The following FAM185A variants were observed in gnomAD, a reference collection of about 807,000 sequenced individuals.
FAM185A encodes the protein protein FAM185A.
Under a neutral mutation model 45.7 loss-of-function variants are expected in FAM185A, and 21 were observed. The ratio of observed to expected loss-of-function variants is 0.46; its 90% CI spans 0.33 to 0.66. The LOEUF is 0.66. Ranked by LOEUF, FAM185A falls within the 30% of genes least tolerant of loss-of-function variation. The pLI, the probability that FAM185A is intolerant of heterozygous loss-of-function variation, is 0.03. For synonymous variants in FAM185A, 117 were observed against 194.0 expected, an observed-to-expected ratio of 0.60 and a Z score of 3.30; for missense variants, 305 against 485.4, an observed-to-expected ratio of 0.63 and a Z score of 3.49.
intron 7 of FAM185A, among the ~76,000 whole-genome samples, chr7:102,807,825 A>C (rs1797218264): frequency 6.6e-6 from 1 of 151,968 alleles, no homozygotes; most frequent in African/African-American, 2.4e-5. Flanking sequence ...TTGGGAGGCC[A>C]AGGTGGGTGG....
At chr7:102,843,638 T>C in the FAM185A span, among the ~76,000 whole-genome samples, 1 of 151,790 alleles carries the variant, frequency 6.6e-6, no homozygotes. Flanking sequence ...TAGCCAGACA[T>C]GGTCGTGGGC....
chr7:102,766,926 G>T (rs565755041), intron 4 of FAM185A, among the ~76,000 whole-genome samples: 3 of 151,864 alleles, frequency 2.0e-5, no homozygotes, highest in Non-Finnish European at 4.4e-5. Flanking sequence ...CTCCCAAGTA[G>T]CTGGGATTAA....
intron 6 of FAM185A, among the ~76,000 whole-genome samples, chr7:102,785,095 T>C (rs1795693727): frequency 6.6e-6 from 1 of 152,018 alleles, no homozygotes; most frequent in African/African-American, 2.4e-5. Flanking sequence ...TCAAAGAGAA[T>C]AAAATACCTA....
chr7:102,803,500 C>T (rs969454912), intron 7 of FAM185A, among the ~76,000 whole-genome samples: 1 of 152,156 alleles, frequency 6.6e-6, no homozygotes, highest in Non-Finnish European at 1.5e-5. Flanking sequence ...GATTAAAACT[C>T]TCAGCAAAAT....
At chr7:102,785,216 G>A (rs1795704048) in intron 6 of FAM185A, among the ~76,000 whole-genome samples, 1 of 151,778 alleles carries the variant, frequency 6.6e-6, no homozygotes, top group African/African-American at 2.4e-5. Context: ...CATGCTCATG[G>A]GTAGGAAGAA....
At chr7:102,834,124 AAGAAAGAAAG>A in the FAM185A span, among the ~76,000 whole-genome samples, 62 of 111,540 alleles carry the variant, frequency 5.6e-4, 2 homozygotes, top group Middle Eastern at 4.6e-3. Context: ...GAAAGAAAGA[AAGAAAGAAAG>A]AAAGAAAAGA....
At chr7:102,813,665 T>TGAGAGTGA (rs1250423446), downstream of FAM185A, 6 of 855,612 alleles carry the variant, frequency 7.0e-6, no homozygotes, top group Non-Finnish European at 1.1e-5. Flanking sequence ...CTTGCCTTGC[T>TGAGAGTGA]GAGAGTGAGG....
chr7:102,834,086 AAAAGAAAGAAAGAAAG>A, the FAM185A span, among the ~76,000 whole-genome samples: 155 of 93,680 alleles, frequency 1.7e-3, 1 homozygote, highest in Middle Eastern at 4.8e-3. Context: ...GGAAGGAAAG[AAAAGAAAGAAAGAAAG>A]AAAGAAAGAA....
intron 4 of FAM185A, among the ~76,000 whole-genome samples, chr7:102,762,153 G>A (rs1034037422): frequency 5.3e-5 from 8 of 152,148 alleles, no homozygotes; most frequent in East Asian, 1.9e-4. Context: ...TATTTTAAAT[G>A]TTTTGCGTGT....
At chr7:102,834,128 AAGAAAG>A in the FAM185A span, among the ~76,000 whole-genome samples, 201 of 104,768 alleles carry the variant, frequency 1.9e-3, 2 homozygotes, top group African/African-American at 5.1e-3. Flanking sequence ...GAAAGAAAGA[AAGAAAG>A]AAAGAAAAGA....
chr7:102,781,535 T>C (rs1388371164), intron 6 of FAM185A, among the ~76,000 whole-genome samples: 4 of 152,208 alleles, frequency 2.6e-5, no homozygotes, highest in Non-Finnish European at 5.9e-5. Flanking sequence ...CTGCTGCTGA[T>C]ACCCAGGCAA....
intron 2 of FAM185A, among the ~76,000 whole-genome samples, chr7:102,754,286 C>T (rs1319855481): frequency 5.3e-5 from 8 of 152,110 alleles, no homozygotes; most frequent in African/African-American, 1.4e-4. Context: ...CTGCAACCTC[C>T]GCCTCCTGGG....
intron 6 of FAM185A, among the ~76,000 whole-genome samples, chr7:102,784,422 C>A (rs1193505104): frequency 6.6e-6 from 1 of 152,058 alleles, no homozygotes; most frequent in Non-Finnish European, 1.5e-5. Context: ...AACATCGATG[C>A]AAAAATCCTC....
intron 7 of FAM185A, among the ~76,000 whole-genome samples, chr7:102,795,585 G>C (rs375363047): frequency 6.6e-6 from 1 of 152,240 alleles, no homozygotes; most frequent in African/African-American, 2.4e-5. Flanking sequence ...AACACTCCCT[G>C]AGTTAGGGAG....
chr7:102,783,116 T>C (rs1314016765), intron 6 of FAM185A, among the ~76,000 whole-genome samples: 9 of 151,748 alleles, frequency 5.9e-5, no homozygotes, highest in Non-Finnish European at 8.8e-5. Context: ...TAAATATATA[T>C]GCACCCAATA....
At chr7:102,822,175 G>A in the FAM185A span, 225 of 1,614,080 alleles carry the variant, frequency 1.4e-4, no homozygotes, top group Middle Eastern at 3.3e-4. Flanking sequence ...GCATTTTGCC[G>A]ATAACATCTC....
At chr7:102,848,602 A>AAAAAAAAT in the FAM185A span, among the ~76,000 whole-genome samples, 1 of 140,066 alleles carries the variant, frequency 7.1e-6, no homozygotes, top group Non-Finnish European at 1.6e-5. Context: ...AAAAAAAAAA[A>AAAAAAAAT]TACACATTCG....
intron 5 of FAM185A, among the ~76,000 whole-genome samples, chr7:102,774,388 T>G (rs1794931688): frequency 6.6e-6 from 1 of 152,010 alleles, no homozygotes. Flanking sequence ...AAATAGAGTT[T>G]TACCTCTTTC....
chr7:102,755,610 G>A (rs1283681091), intron 2 of FAM185A: 12 of 621,388 alleles, frequency 1.9e-5, no homozygotes, highest in East Asian at 9.0e-5. Context: ...GGTGGTGACT[G>A]CACACGACAT....
Sources: gnomAD v4.1 joint callset for allele counts (sites outside exome capture counted in the v4.1 genomes callset) on GRCh38, gnomAD v4.1.1 for gene constraint, MANE v1.5 for transcripts, NCBI Gene and HGNC (gene_info 2026-07-23, HGNC 2026-07-21) for gene names.